The following UNC5D variants were observed in gnomAD, a reference collection of about 807,000 sequenced individuals.
The protein encoded by UNC5D is unc-5 netrin receptor D, also known as netrin receptor UNC5D.
Under a neutral mutation model 105.4 loss-of-function variants are expected in UNC5D, and 39 were observed. That is an observed-to-expected ratio of 0.37 (90% CI 0.29 to 0.48). UNC5D has a LOEUF of 0.48. Among genes scored for constraint, UNC5D ranks in the 20% least tolerant of loss-of-function variants. The pLI is 0.98. For synonymous variants in UNC5D, 452 were observed against 450.4 expected, an observed-to-expected ratio of 1.00 and a Z score of -0.04; for missense variants, 991 against 1,202.4, an observed-to-expected ratio of 0.82 and a Z score of 2.60.
At chr8:35,409,589 G>T (rs1484090642) in intron 1 of UNC5D, among the ~76,000 whole-genome samples, 3 of 150,840 alleles carry the variant, frequency 2.0e-5, no homozygotes, top group Non-Finnish European at 3.0e-5. Context: ...TTTTAAATTG[G>T]GACTTTTGCT....
At chr8:35,744,778 C>G (rs2131619513) in intron 11 of UNC5D, among the ~76,000 whole-genome samples, 1 of 152,244 alleles carries the variant, frequency 6.6e-6, no homozygotes. Flanking sequence ...AGCTAAGAAG[C>G]ATGGTGGCTT....
At chr8:35,237,569 G>C (rs940527089) in intron 1 of UNC5D, among the ~76,000 whole-genome samples, 1 of 152,096 alleles carries the variant, frequency 6.6e-6, no homozygotes, top group Non-Finnish European at 1.5e-5. Context: ...GCAGCCTCTT[G>C]GATGGAGTTT....
At chr8:35,425,638 T>G (rs1806198344) in intron 1 of UNC5D, among the ~76,000 whole-genome samples, 1 of 152,122 alleles carries the variant, frequency 6.6e-6, no homozygotes, top group Admixed American at 6.6e-5. Flanking sequence ...AGGGCTCTGA[T>G]TCTCCTCCCT....
chr8:35,373,307 C>T (rs1467406924), intron 1 of UNC5D, among the ~76,000 whole-genome samples: 2 of 152,210 alleles, frequency 1.3e-5, no homozygotes, highest in Non-Finnish European at 1.5e-5. Flanking sequence ...AGTGACATTA[C>T]TGCACCATAT....
At chr8:35,259,477 T>C (rs1804297810) in intron 1 of UNC5D, among the ~76,000 whole-genome samples, 1 of 152,152 alleles carries the variant, frequency 6.6e-6, no homozygotes, top group Non-Finnish European at 1.5e-5. Context: ...TGCTGCCTCG[T>C]GTTTTATTTT....
chr8:35,633,406 C>T (rs1003181166), intron 4 of UNC5D, among the ~76,000 whole-genome samples: 15 of 152,004 alleles, frequency 9.9e-5, no homozygotes, highest in African/African-American at 3.6e-4. Flanking sequence ...TAATATTGAG[C>T]AATTTCTTTT....
chr8:35,331,527 T>G (rs1429714932), intron 1 of UNC5D, among the ~76,000 whole-genome samples: 1 of 152,144 alleles, frequency 6.6e-6, no homozygotes, highest in Non-Finnish European at 1.5e-5. Flanking sequence ...CTTGCCCTGC[T>G]TGTCCACTGG....
intron 11 of UNC5D, among the ~76,000 whole-genome samples, chr8:35,731,399 CAAAAAAAAAAAAAAAAAAA>C (rs57529561): frequency 1.6e-4 from 5 of 30,662 alleles, no homozygotes; most frequent in Admixed American, 3.0e-4. Flanking sequence ...ACTCTGTCTC[CAAAAAAAAAAAAAAAAAAA>C]AAAAAAAAAA....
intron 1 of UNC5D, among the ~76,000 whole-genome samples, chr8:35,412,641 A>G (rs1805250153): frequency 6.6e-6 from 1 of 152,124 alleles, no homozygotes; most frequent in Admixed American, 6.6e-5. Flanking sequence ...TAAAAAGATG[A>G]ATCAACACAT....
At chr8:35,241,171 C>T (rs1230220195) in intron 1 of UNC5D, among the ~76,000 whole-genome samples, 1 of 152,166 alleles carries the variant, frequency 6.6e-6, no homozygotes, top group African/African-American at 2.4e-5. Flanking sequence ...TGGCTAGATT[C>T]ATTTATAGAA....
intron 16 of UNC5D, among the ~76,000 whole-genome samples, chr8:35,786,021 A>AC (rs1287755124): frequency 6.6e-6 from 1 of 151,906 alleles, no homozygotes; most frequent in Non-Finnish European, 1.5e-5. Flanking sequence ...TTACTGGCTG[A>AC]CCCCTCCTCT....
At position 35,476,318 on chromosome 8, in the gene UNC5D, A is replaced by G. The variant is rs149391840; in HGVS notation, c.104-72974A>G. ...CAACACCCGAGTTATAATCCTGGCT[A>G]TGCTGTGAGGTCAACTAGACACTTC... On this transcript the variant is annotated intron_variant, in intron 1 of 16. Transcript: ENST00000404895. Among the ~76,000 whole-genome samples, 471 of 152,322 alleles carry G rather than the reference A, an allele frequency of 3.1e-3. 4 individuals are homozygous for G. Among genetic ancestry groups the G allele is most frequent in the African/African-American group, 0.011 (440 of 41,568 alleles).
intron 11 of UNC5D, among the ~76,000 whole-genome samples, chr8:35,740,205 G>A (rs754750008): frequency 6.6e-6 from 1 of 152,200 alleles, no homozygotes; most frequent in Non-Finnish European, 1.5e-5. Flanking sequence ...CCTAGAACCT[G>A]TGAATTGACA....
At chr8:35,244,480 T>A (rs1802972446) in intron 1 of UNC5D, among the ~76,000 whole-genome samples, 1 of 152,142 alleles carries the variant, frequency 6.6e-6, no homozygotes. Context: ...GTGGTATGTT[T>A]CTCATGGTTA....
At chr8:35,741,136 T>C (rs1411331041) in intron 11 of UNC5D, among the ~76,000 whole-genome samples, 2 of 152,214 alleles carry the variant, frequency 1.3e-5, no homozygotes, top group African/African-American at 2.4e-5. Flanking sequence ...GAGGCTTAAA[T>C]TGTGTCTAGG....
intron 13 of UNC5D, among the ~76,000 whole-genome samples, chr8:35,755,115 T>C (rs6468334): frequency 0.99 from 150,872 of 152,274 alleles, 74,745 homozygotes; most frequent in Middle Eastern, 1. Context: ...ATCTTTGAAG[T>C]AGTAACATTT....
intron 1 of UNC5D, among the ~76,000 whole-genome samples, chr8:35,546,703 G>T (rs542314029): frequency 1.1e-3 from 172 of 152,158 alleles, no homozygotes; most frequent in Non-Finnish European, 1.9e-3. Flanking sequence ...CGGGGACTTG[G>T]TATTTGTTGA....
intron 1 of UNC5D, among the ~76,000 whole-genome samples, chr8:35,290,129 A>T (rs1806930292): frequency 6.6e-6 from 1 of 152,128 alleles, no homozygotes; most frequent in Non-Finnish European, 1.5e-5. Flanking sequence ...TAAAGATAGA[A>T]ATATTGTATG....
intron 1 of UNC5D, among the ~76,000 whole-genome samples, chr8:35,473,491 C>T (rs1809881060): frequency 6.6e-6 from 1 of 152,140 alleles, no homozygotes; most frequent in African/African-American, 2.4e-5. Flanking sequence ...CATTAATTGA[C>T]ACCCATTATT....
Sources: allele counts gnomAD v4.1 joint callset (sites outside exome capture counted in the v4.1 genomes callset), GRCh38; gene constraint gnomAD v4.1.1; transcripts MANE v1.5; gene names NCBI Gene and HGNC (gene_info 2026-07-23, HGNC 2026-07-21).